Variants in RUNDC3B observed in about 807,000 individuals in gnomAD.
RUNDC3B encodes RUN domain containing 3B.
RUNDC3B carries 33 observed loss-of-function variants against 58.4 expected under a neutral mutation model. That is an observed-to-expected ratio of 0.56 (90% confidence interval 0.43 to 0.75). The LOEUF is 0.75. Ranked by LOEUF, RUNDC3B falls within the 30% of genes least tolerant of loss-of-function variation. The pLI, the probability that RUNDC3B is intolerant of heterozygous loss-of-function variation, is 0.00. For synonymous variants in RUNDC3B, 193 were observed against 195.2 expected, an observed-to-expected ratio of 0.99 and a Z score of 0.10; for missense variants, 501 against 535.7, an observed-to-expected ratio of 0.94 and a Z score of 0.64.
intron 8 of RUNDC3B, among the ~76,000 whole-genome samples, chr7:87,797,994 C>T (rs985588976): frequency 2.0e-5 from 3 of 152,160 alleles, no homozygotes; most frequent in African/African-American, 7.2e-5. Context: ...TACAAGCCAC[C>T]AACAGATGGC....
chr7:87,638,806 G>C (rs1438984566), intron 1 of RUNDC3B, among the ~76,000 whole-genome samples: 3 of 151,704 alleles, frequency 2.0e-5, no homozygotes, highest in Admixed American at 2.0e-4. Context: ...TTTCTCTGTC[G>C]ACTCGTGTTA....
At chr7:87,758,822 G>T (rs753628210) in intron 6 of RUNDC3B, among the ~76,000 whole-genome samples, 15 of 152,076 alleles carry the variant, frequency 9.9e-5, no homozygotes, top group Non-Finnish European at 2.2e-4. Flanking sequence ...CAAAAGACAG[G>T]CAATAATGAA....
At chr7:87,828,686 T>C (rs1563239437) in intron 10 of RUNDC3B, among the ~76,000 whole-genome samples, 1 of 152,158 alleles carries the variant, frequency 6.6e-6, no homozygotes, top group Non-Finnish European at 1.5e-5. Flanking sequence ...GATGAACATA[T>C]GAGTGCATAT....
chr7:87,774,927 G>T (rs781679454), intron 7 of RUNDC3B, among the ~76,000 whole-genome samples: 2 of 152,084 alleles, frequency 1.3e-5, no homozygotes, highest in Non-Finnish European at 2.9e-5. Flanking sequence ...CTATTGCCCT[G>T]CCAGTCATTT....
intron 2 of RUNDC3B, among the ~76,000 whole-genome samples, chr7:87,680,328 A>G (rs1330116539): frequency 6.6e-6 from 1 of 150,814 alleles, no homozygotes; most frequent in South Asian, 2.1e-4. Flanking sequence ...CTTGGATCAA[A>G]GAGGGATTCT....
rs145710020 is a variant in RUNDC3B, at chr7:87,819,145, C to T, written c.1225+2883C>T. Among the ~76,000 whole-genome samples, 77 of 152,266 alleles carry T rather than the reference C, an allele frequency of 5.1e-4. No homozygotes were observed. The East Asian group carries it at 0.014, about 27-fold the overall frequency. On this transcript the variant is annotated intron_variant, in intron 10 of 10. Coordinates refer to ENST00000394654, the MANE Select transcript of RUNDC3B (RefSeq NM_001134405.2). Reference sequence around the variant, plus strand: ...TGCTGAGTCCTGTAAACAGTTGTGACTCGGCCCTGATCAGCTAGTCCGACT... The same window carrying T: ...TGCTGAGTCCTGTAAACAGTTGTGATTCGGCCCTGATCAGCTAGTCCGACT...
At chr7:87,766,693 C>T (rs936223394) in intron 6 of RUNDC3B, among the ~76,000 whole-genome samples, 3 of 151,674 alleles carry the variant, frequency 2.0e-5, no homozygotes, top group South Asian at 4.2e-4. Context: ...TCACGTTGAC[C>T]TTGGATAGTC....
intron 6 of RUNDC3B, among the ~76,000 whole-genome samples, chr7:87,760,069 GTT>G (rs71695208): frequency 1.7e-4 from 25 of 145,258 alleles, no homozygotes; most frequent in East Asian, 8.0e-4. Flanking sequence ...TGATACAGGG[GTT>G]TTTTTTTTTT....
At chr7:87,781,168 A>T (rs948376399) in intron 8 of RUNDC3B, among the ~76,000 whole-genome samples, 2 of 152,068 alleles carry the variant, frequency 1.3e-5, no homozygotes, top group African/African-American at 4.8e-5. Context: ...TTCTTTCAGC[A>T]GTGTTTTGTA....
chr7:87,703,537 AG>A, intron 3 of RUNDC3B, among the ~76,000 whole-genome samples: 1 of 152,174 alleles, frequency 6.6e-6, no homozygotes, highest in Non-Finnish European at 1.5e-5. Flanking sequence ...TCTTCAACCA[AG>A]GGGTTGTAGC....
At chr7:87,656,286 A>C (rs1020436657) in intron 2 of RUNDC3B, among the ~76,000 whole-genome samples, 2 of 152,030 alleles carry the variant, frequency 1.3e-5, no homozygotes, top group African/African-American at 4.8e-5. Flanking sequence ...AAAAGAAAAA[A>C]TTAATACAGT....
intron 2 of RUNDC3B, among the ~76,000 whole-genome samples, chr7:87,660,470 C>G (rs982929462): frequency 6.6e-6 from 1 of 152,044 alleles, no homozygotes; most frequent in African/African-American, 2.4e-5. Context: ...AATTAAAGCT[C>G]TCTAAAGAGA....
intron 2 of RUNDC3B, among the ~76,000 whole-genome samples, chr7:87,658,456 A>G (rs1478495806): frequency 6.6e-6 from 1 of 152,206 alleles, no homozygotes; most frequent in Non-Finnish European, 1.5e-5. Context: ...GAGAAGAAAG[A>G]AGGTGGGACT....
intron 2 of RUNDC3B, among the ~76,000 whole-genome samples, chr7:87,657,816 A>G (rs887438456): frequency 1.4e-4 from 21 of 152,292 alleles, no homozygotes; most frequent in Admixed American, 1.2e-3. Flanking sequence ...AGTAATGAGG[A>G]TGCCCTTATT....
intron 4 of RUNDC3B, chr7:87,713,021 C>T (rs1830226009): frequency 6.6e-6 from 1 of 152,034 alleles, no homozygotes; most frequent in Non-Finnish European, 1.5e-5. Flanking sequence ...CCTATTTACA[C>T]TAATTTTTTT....
At chr7:87,712,929 G>C (rs917217852) in intron 4 of RUNDC3B, among the ~76,000 whole-genome samples, 1 of 152,024 alleles carries the variant, frequency 6.6e-6, no homozygotes, top group African/African-American at 2.4e-5. Context: ...TCTTAAGAAA[G>C]GAAGTAAGTA....
chr7:87,671,382 G>C (rs1825809661), intron 2 of RUNDC3B, among the ~76,000 whole-genome samples: 1 of 152,184 alleles, frequency 6.6e-6, no homozygotes, highest in Non-Finnish European at 1.5e-5. Flanking sequence ...TTGCTCGGTA[G>C]CTCTGGTAGA....
intron 3 of RUNDC3B, among the ~76,000 whole-genome samples, chr7:87,705,251 C>A (rs916605698): frequency 3.3e-5 from 5 of 152,086 alleles, no homozygotes; most frequent in African/African-American, 9.7e-5. Flanking sequence ...ATGGCAAAAC[C>A]CTGTCTCTAC....
Position 87,690,053 on chromosome 7 carries a change from C to T in RUNDC3B, c.239-10368C>T, listed in dbSNP as rs866477360. Reference sequence around the variant, plus strand: ...CTGTGTTGCCCAGTCTGATCTCGAACCGCTGAGCTCAAATGATCCTTCTGC... The same window carrying T: ...CTGTGTTGCCCAGTCTGATCTCGAATCGCTGAGCTCAAATGATCCTTCTGC... On this transcript the variant is annotated intron_variant, in intron 2 of 10. Coordinates refer to ENST00000394654, the MANE Select transcript of RUNDC3B (RefSeq NM_001134405.2). Among the ~76,000 whole-genome samples the T allele has an allele frequency of 3.9e-5, 6 of 152,080 alleles. 1 individual carries two copies. The South Asian group carries it at 1.2e-3, about 32-fold the overall frequency.
Sources: allele counts gnomAD v4.1 joint callset (sites outside exome capture counted in the v4.1 genomes callset), GRCh38; gene constraint gnomAD v4.1.1; transcripts MANE v1.5; gene names NCBI Gene and HGNC (gene_info 2026-07-23, HGNC 2026-07-21).